The following FLACC1 variants were observed in gnomAD, a reference collection of about 807,000 sequenced individuals.
FLACC1 encodes flagellum associated containing coiled-coil domains 1.
In FLACC1, 66 loss-of-function variants were observed where a neutral mutation model predicts 62.8. That is an observed-to-expected ratio of 1.05 (90% CI 0.86 to 1.29). The LOEUF (loss-of-function observed/expected upper bound fraction) is 1.29, where lower values mean the gene tolerates loss of function less well. Ranked by LOEUF, FLACC1 falls within the 50% of genes most tolerant of loss-of-function variation. FLACC1 has a pLI of 0.00. For synonymous variants in FLACC1, 156 were observed against 161.0 expected, an observed-to-expected ratio of 0.97 and a Z score of 0.24; for missense variants, 452 against 489.1, an observed-to-expected ratio of 0.92 and a Z score of 0.71.
In FLACC1 at chr2:201,344,183, G is replaced by T. The variant is rs757671964; in HGVS notation, c.449C>A (p.Ser150Tyr). 3 of 1,612,114 alleles carry T rather than the reference G, an allele frequency of 1.9e-6. No individual in the cohort carries two copies. The East Asian group carries it at 6.7e-5, about 36-fold the overall frequency. Residue 150 changes from serine (S) to tyrosine (Y), a missense_variant, in exon 6 of 15, where the codon TCT (serine) becomes TAT (tyrosine). Transcript: ENST00000392257. ...IIEQMNRDHQ[S>Y]AQKLLSSEMD... ...AAGGTCACTCACCAATTTCTGGGCA[G>T]ACTGGTGGTCTCTGTTCATTTGTTC...
intron 10 of FLACC1, among the ~76,000 whole-genome samples, chr2:201,308,850 T>C (rs1312774368): frequency 1.3e-5 from 2 of 152,196 alleles, no homozygotes; most frequent in Admixed American, 6.5e-5. Flanking sequence ...AGATAATAAG[T>C]CTGCACTCCC....
At chr2:201,355,545 C>A (rs756461678) in intron 1 of FLACC1, among the ~76,000 whole-genome samples, 4 of 150,944 alleles carry the variant, frequency 2.6e-5, no homozygotes, top group Non-Finnish European at 5.9e-5. Context: ...GGTATATATT[C>A]TTTTGCTCTT....
In FLACC1 at chr2:201,288,792, A is replaced by C; in HGVS notation, c.1143-11T>G. Reference sequence around the variant, plus strand: ...GAAATTATCTTTTGCCTGTAAAAAGAAAGGAAAGATGTATCAATGTCAACT... The same window carrying C: ...GAAATTATCTTTTGCCTGTAAAAAGCAAGGAAAGATGTATCAATGTCAACT... On this transcript the variant is annotated splice_polypyrimidine_tract_variant and intron_variant, in intron 14 of 14. Transcript: ENST00000392257. The C allele has an allele frequency of 6.2e-7, 1 of 1,612,318 alleles. No homozygotes were observed. Among genetic ancestry groups the C allele is most frequent in the Non-Finnish European group, 8.5e-7 (1 of 1,179,872 alleles).
chr2:201,350,780 A>G lies in FLACC1; in HGVS notation c.116T>C (p.Leu39Pro), dbSNP rs1951012917. Residue 39 changes from leucine to proline, a missense_variant and splice_region_variant, in exon 3 of 15, where the codon CTA becomes CCA. Physicochemically the swap from Leu to Pro is moderately conservative, Grantham distance 98. Transcript: ENST00000392257. ...PRKNSTGSSK[L>P]TPLVPAPKNH... ...TTTTGGAGCTGGTACAAGAGGAGTTAGCCTGAAAGTGAAAAACAAATAACT... is the reference window on the plus strand; with the variant it reads ...TTTTGGAGCTGGTACAAGAGGAGTTGGCCTGAAAGTGAAAAACAAATAACT... The G allele has an allele frequency of 6.2e-7, 1 of 1,611,138 alleles. No homozygotes were observed. Among genetic ancestry groups the G allele is most frequent in the African/African-American group, 1.3e-5 (1 of 74,944 alleles).
chr2:201,351,230 G>A, intron 2 of FLACC1, 62 bp downstream of exon 2: 1 of 1,373,112 alleles, frequency 7.3e-7, no homozygotes, highest in South Asian at 1.2e-5. Flanking sequence ...TCTTGTGAGA[G>A]AAATGAGGCT....
intron 7 of FLACC1, among the ~76,000 whole-genome samples, chr2:201,340,154 C>T (rs1036740469): frequency 6.6e-6 from 1 of 152,014 alleles, no homozygotes; most frequent in Non-Finnish European, 1.5e-5. Context: ...TTGTAGGCAG[C>T]GTATAGTTGG....
At chr2:201,356,570 TTG>T (rs1559426509) in intron 1 of FLACC1, among the ~76,000 whole-genome samples, 1 of 152,228 alleles carries the variant, frequency 6.6e-6, no homozygotes, top group Non-Finnish European at 1.5e-5. Flanking sequence ...TCCAGAAATG[TTG>T]TGAGTGCATA....
chr2:201,326,499 A>G lies in FLACC1; in HGVS notation c.675+3971T>C, dbSNP rs1950502761. Among the ~76,000 whole-genome samples, 1 of 152,258 alleles carries G rather than the reference A, an allele frequency of 6.6e-6. No individual in the cohort carries two copies. The highest frequency in any genetic ancestry group is 2.4e-5 in the African/African-American group (1 of 41,468). On this transcript the variant is annotated intron_variant, in intron 9 of 14. Transcript: ENST00000392257. This position sits in a 1 kb window ranked among gnomAD's most constrained non-coding sequence, Gnocchi z 4.1. Reference sequence around the variant, plus strand: ...CAGTTTACAAAATCAGTGTACACATATCAGTAGCACTGCTATACGCTAACA... The same window carrying G: ...CAGTTTACAAAATCAGTGTACACATGTCAGTAGCACTGCTATACGCTAACA...
At chr2:201,289,358 TAGGG>T in intron 14 of FLACC1, 95 bp downstream of exon 14, 1 of 1,113,096 alleles carries the variant, frequency 9.0e-7, no homozygotes, top group Non-Finnish European at 1.3e-6. Context: ...TTGACATAAC[TAGGG>T]AGCAGTTGGT....
At chr2:201,358,663 C>T (rs1052233834), upstream of FLACC1, among the ~76,000 whole-genome samples, 3 of 151,910 alleles carry the variant, frequency 2.0e-5, no homozygotes, top group Non-Finnish European at 4.4e-5. Context: ...GTGATCCGCC[C>T]GCCTCGGCCT....
At chr2:201,319,055 A>G (rs1334185528) in intron 9 of FLACC1, among the ~76,000 whole-genome samples, 3 of 152,226 alleles carry the variant, frequency 2.0e-5, no homozygotes, top group Non-Finnish European at 1.5e-5. Flanking sequence ...GTACTTACTC[A>G]TGTAACCAAA....
At chr2:201,339,059 T>A (rs766520413) in intron 7 of FLACC1, among the ~76,000 whole-genome samples, 5 of 152,336 alleles carry the variant, frequency 3.3e-5, no homozygotes, top group South Asian at 4.1e-4. Context: ...TTTTCTTTGT[T>A]GGGAGACTTT....
chr2:201,362,586 T>G, the FLACC1 span, among the ~76,000 whole-genome samples: 1 of 152,346 alleles, frequency 6.6e-6, no homozygotes, highest in Middle Eastern at 3.4e-3. Context: ...CCTCCCTCTA[T>G]GACTCACCTT....
intron 11 of FLACC1, among the ~76,000 whole-genome samples, chr2:201,305,937 G>T (rs1036446787): frequency 6.8e-6 from 1 of 146,620 alleles, no homozygotes; most frequent in Non-Finnish European, 1.5e-5. Context: ...CCAGTTGTGG[G>T]GTGGGGGGAG....
At chr2:201,341,357 T>A (rs1950804488) in intron 7 of FLACC1, among the ~76,000 whole-genome samples, 1 of 149,854 alleles carries the variant, frequency 6.7e-6, no homozygotes, top group Non-Finnish European at 1.5e-5. Context: ...TTTTATTGTG[T>A]ATATTTGAGG....
At chr2:201,315,306 G>A (rs141880165) in intron 9 of FLACC1, among the ~76,000 whole-genome samples, 1 of 152,224 alleles carries the variant, frequency 6.6e-6, no homozygotes, top group East Asian at 1.9e-4. Context: ...GCTGCCTTCA[G>A]TTGACTCACC....
intron 9 of FLACC1, among the ~76,000 whole-genome samples, chr2:201,313,551 A>C (rs779617868): frequency 6.6e-6 from 1 of 152,176 alleles, no homozygotes; most frequent in Non-Finnish European, 1.5e-5. Context: ...CAGCAGCTGC[A>C]GCAAGACTCG....
At chr2:201,324,826 G>A (rs902979344) in intron 9 of FLACC1, among the ~76,000 whole-genome samples, 1 of 152,152 alleles carries the variant, frequency 6.6e-6, no homozygotes, top group Non-Finnish European at 1.5e-5. Context: ...AATGACACAA[G>A]TTATCAAAAC....
At chr2:201,331,869 G>A (rs566541035) in intron 7 of FLACC1, among the ~76,000 whole-genome samples, 1 of 152,318 alleles carries the variant, frequency 6.6e-6, no homozygotes, top group Admixed American at 6.5e-5. Flanking sequence ...GGGTGATAAT[G>A]ATGTGTCAAT....
Sources: gnomAD v4.1 joint callset for allele counts (sites outside exome capture counted in the v4.1 genomes callset) on GRCh38, gnomAD v4.1.1 for gene constraint, Gnocchi (gnomAD v3.1) non-coding constraint, MANE v1.5 for transcripts, NCBI Gene and HGNC (gene_info 2026-07-23, HGNC 2026-07-21) for gene names.